The following CTBP2 variants were observed in gnomAD, a reference collection of about 807,000 sequenced individuals.
CTBP2 encodes C-terminal-binding protein 2.
Under a neutral mutation model 80.3 loss-of-function variants are expected in CTBP2, and 30 were observed. That is an observed-to-expected ratio of 0.37 (90% CI 0.28 to 0.51). The LOEUF (loss-of-function observed/expected upper bound fraction) is 0.51, where lower values mean the gene tolerates loss of function less well. CTBP2 is among the 20% of genes least tolerant of loss of function. The pLI is 0.93. For synonymous variants in CTBP2, 594 were observed against 587.4 expected (o/e 1.01, Z -0.16); for missense variants, 1,212 against 1,375.3 (o/e 0.88, Z 1.88).
chr10:125,056,893 T>A (rs1395671512), intron 2 of CTBP2, among the ~76,000 whole-genome samples: 1 of 152,210 alleles, frequency 6.6e-6, no homozygotes, highest in East Asian at 1.9e-4. Context: ...AGAGCATGTA[T>A]CCACAGGCAG....
intron 2 of CTBP2, among the ~76,000 whole-genome samples, chr10:125,094,641 GGGGTGGGGAGGGAGGCAACACTGGCATC>G (rs1380315671): frequency 6.6e-6 from 1 of 152,100 alleles, no homozygotes; most frequent in Admixed American, 6.6e-5. Flanking sequence ...TGGTCATGCC[GGGGTGGGGAGGGAGGCAACACTGGCATC>G]GGGTGGGGAG....
chr10:125,057,405 C>T lies in CTBP2; in HGVS notation c.-101-18250G>A, dbSNP rs138826707. Among the ~76,000 whole-genome samples, 555 of 152,270 alleles carry T rather than the reference C, an allele frequency of 3.6e-3. 2 individuals are homozygous for T. Among genetic ancestry groups the T allele is most frequent in the South Asian group, 0.013 (65 of 4,828 alleles). ...TTTCAATTGTCCTGTGACCAGCCCC[C>T]GCCTCCCTCTAAACAACAGGCCAAA... On this transcript the variant is annotated intron_variant, in intron 2 of 10. Coordinates refer to the CTBP2 transcript ENST00000337195.
chr10:125,110,409 T>C (rs1718009051), intron 2 of CTBP2, among the ~76,000 whole-genome samples: 1 of 152,164 alleles, frequency 6.6e-6, no homozygotes, highest in Non-Finnish European at 1.5e-5. Context: ...ACTCCATCCA[T>C]CAATGAGTGT....
intron 2 of CTBP2, among the ~76,000 whole-genome samples, chr10:125,051,617 G>A (rs1289489361): frequency 6.6e-6 from 1 of 151,182 alleles, no homozygotes; most frequent in African/African-American, 2.4e-5. Context: ...ACTAGCCTGG[G>A]CAACAGAGTG....
At chr10:125,052,164 G>A (rs982284113) in intron 2 of CTBP2, among the ~76,000 whole-genome samples, 2 of 152,200 alleles carry the variant, frequency 1.3e-5, no homozygotes, top group Admixed American at 6.5e-5. Flanking sequence ...GGACCCCCCG[G>A]CAGGAAGCCT....
chr10:124,997,685 C>G, intron 4 of CTBP2: 1 of 516,190 alleles, frequency 1.9e-6, no homozygotes. Flanking sequence ...GGGCACAGCG[C>G]CTTGCCCGCT....
At chr10:125,093,829 G>A (rs140134122) in intron 2 of CTBP2, among the ~76,000 whole-genome samples, 1 of 152,276 alleles carries the variant, frequency 6.6e-6, no homozygotes, top group African/African-American at 2.4e-5. Flanking sequence ...CCACGGCCTC[G>A]CTGGGAGTCA....
At chr10:125,147,789 T>C (rs1169883372) in intron 1 of CTBP2, among the ~76,000 whole-genome samples, 2 of 151,850 alleles carry the variant, frequency 1.3e-5, no homozygotes, top group African/African-American at 4.8e-5. Context: ...CCCACCTACT[T>C]GGGAGGCTGA....
intron 1 of CTBP2, among the ~76,000 whole-genome samples, chr10:125,151,579 C>T (rs554037305): frequency 6.6e-6 from 1 of 152,362 alleles, no homozygotes; most frequent in Admixed American, 6.5e-5. Context: ...TGCAACTCAG[C>T]CACCATCGCG....
intron 2 of CTBP2, among the ~76,000 whole-genome samples, chr10:125,071,503 A>G (rs1845479392): frequency 1.3e-5 from 2 of 152,366 alleles, no homozygotes; most frequent in South Asian, 4.1e-4. Flanking sequence ...CTGCTGGAAC[A>G]AGGCGAAGGG....
intron 2 of CTBP2, among the ~76,000 whole-genome samples, chr10:125,064,240 T>A (rs1451257319): frequency 6.6e-6 from 1 of 152,206 alleles, no homozygotes; most frequent in Non-Finnish European, 1.5e-5. Flanking sequence ...ATGGGCTATT[T>A]CTGTTTTCTT....
rs745561150 is a variant in CTBP2 at position 125,002,960 on chromosome 10, C to G, written c.1978G>C (p.Gly660Arg). ...GCAGCCAGCGCTGCCTCGCACTCACCGAGCTCGCCGGCAGCCTTGATGTCC... is the reference window on the plus strand; with the variant it reads ...GCAGCCAGCGCTGCCTCGCACTCACGGAGCTCGCCGGCAGCCTTGATGTCC... Residue 660 changes from glycine (G) to arginine (R), a missense_variant and splice_region_variant, in exon 3 of 9, where the codon GGA (glycine) becomes CGA (arginine). By Grantham distance (125) the Gly-to-Arg change is moderately radical (BLOSUM62 -2). Transcript: ENST00000309035. 6 of 1,612,476 alleles carry G rather than the reference C, an allele frequency of 3.7e-6. No individual in the cohort carries two copies. The Admixed American group carries it at 8.3e-5, about 22-fold the overall frequency.
intron 1 of CTBP2, among the ~76,000 whole-genome samples, chr10:125,015,691 G>A (rs1228165798): frequency 2.6e-5 from 4 of 152,250 alleles, no homozygotes; most frequent in Admixed American, 6.5e-5. Flanking sequence ...TGTGGATACC[G>A]CTGGTGGAGG....
intron 2 of CTBP2, among the ~76,000 whole-genome samples, chr10:125,051,601 C>CTGCACACT (rs1160184256): frequency 6.6e-6 from 1 of 151,618 alleles, no homozygotes; most frequent in East Asian, 1.9e-4. Context: ...GATCACGCCA[C>CTGCACACT]TGCACACTAG....
At chr10:125,154,120 A>G (rs554726056) in intron 1 of CTBP2, among the ~76,000 whole-genome samples, 2 of 152,368 alleles carry the variant, frequency 1.3e-5, no homozygotes, top group South Asian at 2.1e-4. Flanking sequence ...TGCAAGAAGC[A>G]CATTTCTGCT....
intron 2 of CTBP2, among the ~76,000 whole-genome samples, chr10:125,054,626 A>G (rs10901856): frequency 0.16 from 25,111 of 152,254 alleles, 2,567 homozygotes; most frequent in East Asian, 0.53. Flanking sequence ...ATTTTGAGGT[A>G]ATTTGTCACA....
chr10:125,094,479 G>A (rs1449329657), intron 2 of CTBP2, among the ~76,000 whole-genome samples: 1 of 152,208 alleles, frequency 6.6e-6, no homozygotes, highest in Admixed American at 6.5e-5. Flanking sequence ...CCTCAGGGAG[G>A]ACGCTCCACC....
At chr10:125,084,845 T>C (rs560669069) in intron 2 of CTBP2, among the ~76,000 whole-genome samples, 4 of 151,822 alleles carry the variant, frequency 2.6e-5, no homozygotes, top group African/African-American at 9.7e-5. Context: ...CTGCCCCAAG[T>C]CTGCCCCCAA....
At chr10:125,038,320 G>A (rs1042033681) in intron 3 of CTBP2, among the ~76,000 whole-genome samples, 22 of 151,886 alleles carry the variant, frequency 1.4e-4, no homozygotes, top group African/African-American at 5.3e-4. Flanking sequence ...CACCCTGTAG[G>A]GCAGTACCAG....
Sources: allele counts gnomAD v4.1 joint callset (sites outside exome capture counted in the v4.1 genomes callset), GRCh38; gene constraint gnomAD v4.1.1; transcripts MANE v1.5; gene names NCBI Gene and HGNC (gene_info 2026-07-23, HGNC 2026-07-21).